Variants in GABRB1 observed in about 807,000 individuals in gnomAD.
GABRB1 encodes the protein gamma-aminobutyric acid receptor subunit beta-1.
GABRB1 carries 17 observed loss-of-function variants against 51.6 expected under a neutral mutation model. That is an observed-to-expected ratio of 0.33 (90% confidence interval 0.23 to 0.49). GABRB1 has a LOEUF of 0.49. Among genes scored for constraint, GABRB1 ranks in the 20% least tolerant of loss-of-function variants. GABRB1 has a pLI of 0.99. For missense variants in GABRB1, 410 were observed against 600.6 expected (o/e 0.68, Z 3.32); for synonymous variants, 247 against 218.9 (o/e 1.13, Z -1.14).
intron 4 of GABRB1, among the ~76,000 whole-genome samples, chr4:47,235,074 T>G (rs930951541): frequency 2.0e-5 from 3 of 152,212 alleles, no homozygotes; most frequent in Non-Finnish European, 4.4e-5. Context: ...ATACCCTTCC[T>G]TATTTCTCCT....
chr4:47,009,155 C>T (rs1048855424), intron 1 of GABRB1, among the ~76,000 whole-genome samples: 15 of 149,948 alleles, frequency 1.0e-4, no homozygotes, highest in Admixed American at 2.0e-4. Flanking sequence ...TGAGCCACCG[C>T]GCCCGGCCAG....
chr4:47,004,978 C>T (rs1724342456), intron 1 of GABRB1, among the ~76,000 whole-genome samples: 1 of 152,108 alleles, frequency 6.6e-6, no homozygotes, highest in East Asian at 1.9e-4. Context: ...TTCTGAGAGG[C>T]TAAGGAGCAG....
chr4:47,383,052 T>C (rs1242555152), intron 5 of GABRB1, among the ~76,000 whole-genome samples: 3 of 152,196 alleles, frequency 2.0e-5, no homozygotes, highest in Non-Finnish European at 2.9e-5. Context: ...AAGCTATAGA[T>C]ACAAACAACT....
chr4:47,317,637 A>G (rs1404970370), intron 4 of GABRB1, among the ~76,000 whole-genome samples: 3 of 152,016 alleles, frequency 2.0e-5, no homozygotes, highest in Non-Finnish European at 2.9e-5. Flanking sequence ...AAATTCAAGT[A>G]AATTAACCAA....
chr4:47,165,890 T>C (rs1248335031), intron 4 of GABRB1, among the ~76,000 whole-genome samples: 1 of 152,118 alleles, frequency 6.6e-6, no homozygotes, highest in African/African-American at 2.4e-5. Context: ...TCAATAGACA[T>C]AAACTTGAAG....
chr4:47,378,622 C>T (rs746540181), intron 5 of GABRB1, among the ~76,000 whole-genome samples: 20 of 152,142 alleles, frequency 1.3e-4, no homozygotes, highest in Non-Finnish European at 2.6e-4. Context: ...CCTCTCAGGA[C>T]TACAGGCATG....
chr4:47,140,725 T>G (rs1183740799), intron 3 of GABRB1, among the ~76,000 whole-genome samples: 1 of 151,676 alleles, frequency 6.6e-6, no homozygotes, highest in Non-Finnish European at 1.5e-5. Context: ...TAACCATTAT[T>G]TATTTGCTCT....
intron 5 of GABRB1, among the ~76,000 whole-genome samples, chr4:47,322,769 G>T (rs189780523): frequency 6.6e-6 from 1 of 151,978 alleles, no homozygotes; most frequent in Non-Finnish European, 1.5e-5. Context: ...TCAGGAGTTC[G>T]AGACCAGCCT....
intron 5 of GABRB1, among the ~76,000 whole-genome samples, chr4:47,394,907 C>T (rs775139030): frequency 3.9e-4 from 59 of 152,126 alleles, no homozygotes; most frequent in Non-Finnish European, 6.0e-4. Context: ...GAGGCAGGTC[C>T]GGGTGGTGCT....
At chr4:47,088,822 T>C (rs1423124219) in intron 3 of GABRB1, among the ~76,000 whole-genome samples, 1 of 152,236 alleles carries the variant, frequency 6.6e-6, no homozygotes, top group Non-Finnish European at 1.5e-5. Flanking sequence ...CGTAGTTTAT[T>C]CTAGCTATAG....
chr4:47,250,189 G>C (rs1285580787), intron 4 of GABRB1, among the ~76,000 whole-genome samples: 2 of 152,082 alleles, frequency 1.3e-5, no homozygotes, highest in African/African-American at 2.4e-5. Context: ...GAAAAAGATT[G>C]TATCTTTCCT....
Position 47,320,213 on chromosome 4 carries a change from A to C in GABRB1, c.544+4A>C. On this transcript the variant is annotated splice_donor_region_variant and intron_variant, in intron 5 of 8. Coordinates refer to ENST00000295454, the MANE Select transcript of GABRB1 (RefSeq NM_000812.4). ...TGCACCCTGGAGATCGAAAGTTGTG[A>C]GTTACTTGGACAGGGGAATGAAAAA... 1 of 1,549,650 alleles carries C rather than the reference A, an allele frequency of 6.5e-7. No individual in the cohort carries two copies. The highest frequency in any genetic ancestry group is 8.9e-7 in the Non-Finnish European group (1 of 1,120,652).
At chr4:47,422,089 C>T (rs1203713225) in intron 8 of GABRB1, among the ~76,000 whole-genome samples, 2 of 152,100 alleles carry the variant, frequency 1.3e-5, no homozygotes, top group Non-Finnish European at 2.9e-5. Flanking sequence ...TCATTATTCT[C>T]AATGACCTTC....
intron 4 of GABRB1, among the ~76,000 whole-genome samples, chr4:47,260,076 G>C (rs571261149): frequency 6.6e-6 from 1 of 152,090 alleles, no homozygotes; most frequent in Non-Finnish European, 1.5e-5. Flanking sequence ...TTACCATTAT[G>C]CAATGGCCTT....
rs10525795 is a variant in GABRB1 at position 47,155,916 on chromosome 4, C to CATATAT, written c.241-5308_241-5303dup. On this transcript the variant is annotated intron_variant, in intron 3 of 8. Coordinates refer to ENST00000295454, the MANE Select transcript of GABRB1 (RefSeq NM_000812.4). ...TACTCATACTAAAAAGAGGTATTTT[C>CATATAT]ATATATATATATATATATATATATA... 7.3e-3 allele frequency among the ~76,000 whole-genome samples: 537 copies of CATATAT among 73,590 alleles called. 54 individuals carry two copies. The highest frequency in any genetic ancestry group is 0.014 in the Middle Eastern group (1 of 72). 48.3% of individuals were successfully genotyped at this position (73,590 alleles called of 152,430 possible). A position where few individuals can be genotyped will look rare whatever the true frequency, so the allele number is the denominator to read the frequency against.
At chr4:47,371,774 T>C (rs1177474510) in intron 5 of GABRB1, among the ~76,000 whole-genome samples, 1 of 152,226 alleles carries the variant, frequency 6.6e-6, no homozygotes, top group Non-Finnish European at 1.5e-5. Flanking sequence ...TGCCCACTTT[T>C]TAATGGAGTT....
intron 3 of GABRB1, among the ~76,000 whole-genome samples, chr4:47,077,977 A>ATT: frequency 2.6e-5 from 1 of 37,858 alleles, no homozygotes; most frequent in South Asian, 8.8e-4. Flanking sequence ...TATTTTATAT[A>ATT]TAATATATAA....
intron 3 of GABRB1, among the ~76,000 whole-genome samples, chr4:47,155,318 G>A (rs1246071165): frequency 6.6e-6 from 1 of 152,004 alleles, no homozygotes; most frequent in East Asian, 1.9e-4. Flanking sequence ...ATTTTACGGG[G>A]AACAGAGGCC....
chr4:47,219,343 C>T (rs1489888983), intron 4 of GABRB1, among the ~76,000 whole-genome samples: 2 of 151,846 alleles, frequency 1.3e-5, no homozygotes, highest in East Asian at 3.9e-4. Flanking sequence ...GAGAGTCTGA[C>T]ACTGCTTGCA....
Sources: allele counts gnomAD v4.1 joint callset (sites outside exome capture counted in the v4.1 genomes callset), GRCh38; gene constraint gnomAD v4.1.1; transcripts MANE v1.5; gene names NCBI Gene and HGNC (gene_info 2026-07-23, HGNC 2026-07-21).